SAMD4A: variants seen among roughly 807,000 people sequenced by gnomAD.
SAMD4A encodes the protein sterile alpha motif domain containing 4A, also known as protein Smaug homolog 1.
A neutral mutation model predicts 81.3 loss-of-function variants in SAMD4A; 33 were observed. The ratio of observed to expected loss-of-function variants is 0.41; its 90% confidence interval spans 0.31 to 0.54. The LOEUF (loss-of-function observed/expected upper bound fraction) is 0.54, where lower values mean the gene tolerates loss of function less well. Ranked by LOEUF, SAMD4A falls within the 20% of genes least tolerant of loss-of-function variation. The pLI is 0.37. For missense variants in SAMD4A, 854 were observed against 951.1 expected (o/e 0.90, Z 1.34); for synonymous variants, 389 against 382.1 (o/e 1.02, Z -0.21).
At chr14:54,712,263 ACTTT>A (rs71448408) in intron 3 of SAMD4A, among the ~76,000 whole-genome samples, 15,249 of 150,928 alleles carry the variant, frequency 0.1, 911 homozygotes, top group South Asian at 0.19. Flanking sequence ...TTACCAGCAG[ACTTT>A]CTTTCTCGGT....
rs1157940887 is a variant in SAMD4A at position 54,737,113 on chromosome 14, G to A, written c.805G>A (p.Gly269Arg). 2 of 1,613,988 alleles carry A rather than the reference G, an allele frequency of 1.2e-6. No homozygotes were observed. Among genetic ancestry groups the A allele is most frequent in the Non-Finnish European group, 1.7e-6 (2 of 1,180,026 alleles). Reference protein sequence around the residue: ...MNVPNQPLGHGWMSHEDLRAR... With the variant: ...MNVPNQPLGHRWMSHEDLRAR... ...TGTGCCAAACCAGCCTCTAGGACAT[G>A]GATGGATGTCTCATGAGGACTTACG... The change falls in exon 4 of 13, where the codon GGA (glycine) becomes AGA (arginine). Residue 269 changes from glycine (G) to arginine (R), a missense_variant. This residue lies in a region of SAMD4A where 387 missense variants were observed against 405.8 expected (regional missense o/e 0.95). Coordinates refer to ENST00000554335, the MANE Select transcript of SAMD4A (RefSeq NM_015589.6).
chr14:54,754,447 A>G (rs578167390), intron 6 of SAMD4A, among the ~76,000 whole-genome samples: 2 of 152,158 alleles, frequency 1.3e-5, no homozygotes, highest in African/African-American at 4.8e-5. Flanking sequence ...GAATACCCCA[A>G]TGTTTGGACA....
chr14:54,629,994 C>T (rs553914053), intron 2 of SAMD4A, among the ~76,000 whole-genome samples: 31 of 152,284 alleles, frequency 2.0e-4, no homozygotes, highest in African/African-American at 7.5e-4. Context: ...CATGTTGTAG[C>T]ATGTGTCAGA....
chr14:54,738,508 C>T (rs968276847), intron 4 of SAMD4A, among the ~76,000 whole-genome samples: 14 of 152,312 alleles, frequency 9.2e-5, no homozygotes, highest in African/African-American at 3.4e-4. Flanking sequence ...GGGGATGTGT[C>T]TTAATGCTGA....
upstream of SAMD4A, among the ~76,000 whole-genome samples, chr14:54,566,055 T>G (rs1028434609): frequency 1.3e-5 from 2 of 151,544 alleles, no homozygotes; most frequent in Admixed American, 6.6e-5. Context: ...AAGCCCATGA[T>G]GTAATGGTGT....
At chr14:54,774,587 G>A (rs569871977) in intron 9 of SAMD4A, among the ~76,000 whole-genome samples, 6 of 151,544 alleles carry the variant, frequency 4.0e-5, no homozygotes, top group Non-Finnish European at 7.4e-5. Context: ...GGCTGAGTTG[G>A]GAAGATCGCT....
chr14:54,673,991 A>C (rs1278498747), intron 2 of SAMD4A, among the ~76,000 whole-genome samples: 1 of 152,182 alleles, frequency 6.6e-6, no homozygotes, highest in African/African-American at 2.4e-5. Flanking sequence ...ATCAGACGCC[A>C]CGCTTAGGGC....
rs79035772 is a variant in SAMD4A, at chr14:54,679,688, A to G, written c.197-22374A>G. Among the ~76,000 whole-genome samples, 552 of 152,140 alleles carry G rather than the reference A, an allele frequency of 3.6e-3. 1 individual carries two copies. The highest frequency in any genetic ancestry group is 4.8e-3 in the Non-Finnish European group (324 of 67,998). The stretch of plus-strand genomic sequence containing the variant: ...CGGGTGATGGAAGACCATTTTGTGT[A>G]TTTTTAATAGGAGGAAACTGAGGCA... On this transcript the variant is annotated intron_variant, in intron 2 of 12. Transcript: ENST00000554335.
intron 4 of SAMD4A, 91 bp from the exon 5 acceptor site, chr14:54,748,713 TGACCATCACCC>T: frequency 3.9e-6 from 3 of 765,564 alleles, no homozygotes; most frequent in Non-Finnish European, 6.5e-6. Context: ...TTTTTTCCTT[TGACCATCACCC>T]TCTTTTCCTT....
intron 6 of SAMD4A, among the ~76,000 whole-genome samples, chr14:54,754,112 G>A (rs942981494): frequency 2.0e-5 from 3 of 152,156 alleles, no homozygotes; most frequent in East Asian, 1.9e-4. Flanking sequence ...ACAAATTACC[G>A]TTAGCTTTAT....
chr14:54,588,398 A>T (rs2033682892), intron 2 of SAMD4A, among the ~76,000 whole-genome samples: 1 of 149,866 alleles, frequency 6.7e-6, no homozygotes. Flanking sequence ...TTCTGCTCTG[A>T]TATTTGTTAT....
chr14:54,754,773 C>T (rs990392512), intron 6 of SAMD4A: 2 of 965,852 alleles, frequency 2.1e-6, no homozygotes, highest in Non-Finnish European at 2.5e-6. Context: ...GGGCCCCGCC[C>T]ATAGTTAGTT....
At chr14:54,666,025 C>G (rs923192337) in intron 2 of SAMD4A, among the ~76,000 whole-genome samples, 4 of 152,070 alleles carry the variant, frequency 2.6e-5, no homozygotes, top group Admixed American at 6.5e-5. Context: ...CAGGTAAAAC[C>G]TAGTAAAAGA....
rs567834916 is a variant in SAMD4A, at chr14:54,688,925, G to A, written c.197-13137G>A. On this transcript the variant is annotated intron_variant, in intron 2 of 12. Transcript: ENST00000554335. ...ATCTATAGAGAGGGTCCCAGAAGTC[G>A]TAATTCTTTTTTTTTTTTTTTTTGA... is the stretch of plus-strand genomic sequence containing the variant. 1.8e-4 allele frequency among the ~76,000 whole-genome samples: 17 copies of A among 91,954 alleles called. No individual in the cohort carries two copies. In the South Asian group the frequency reaches 3.4e-3, roughly 18 times the overall value. The allele number at this position is 91,954 out of a possible 152,430, so 60.3% of individuals were successfully genotyped here. A position where few individuals can be genotyped will look rare whatever the true frequency, so the allele number is the denominator to read the frequency against.
At chr14:54,778,296 C>T (rs2038912027) in intron 11 of SAMD4A, among the ~76,000 whole-genome samples, 1 of 152,228 alleles carries the variant, frequency 6.6e-6, no homozygotes, top group Non-Finnish European at 1.5e-5. Context: ...CTGGGTTGTC[C>T]CGGAGCGCTT....
chr14:54,612,528 C>T (rs981769931), intron 2 of SAMD4A, among the ~76,000 whole-genome samples: 6 of 152,108 alleles, frequency 3.9e-5, no homozygotes, highest in Non-Finnish European at 7.4e-5. Flanking sequence ...AATCTAGGGT[C>T]ATCTTCATTA....
At position 54,748,920 on chromosome 14, in the gene SAMD4A, C is replaced by T. The variant is rs2038031178; in HGVS notation, c.1085C>T (p.Ala362Val). 4 of 1,550,626 alleles carry T rather than the reference C, an allele frequency of 2.6e-6. No homozygotes were observed. Among genetic ancestry groups the T allele is most frequent in the South Asian group, 1.2e-5 (1 of 84,056 alleles). ...MMALTECQLE[A>V]QNVTKGARHK... ...GCCCTCACCGAGTGCCAGCTGGAGGCGCAGGTATGTGCTTGAGGTGACTGT... is the reference window on the plus strand; with the variant it reads ...GCCCTCACCGAGTGCCAGCTGGAGGTGCAGGTATGTGCTTGAGGTGACTGT... The change falls in exon 5 of 13, where the codon GCG becomes GTG. Residue 362 changes from alanine to valine, a missense_variant. This residue lies in a region of SAMD4A where 39 missense variants were observed against 74.1 expected (regional missense o/e 0.53). Transcript: ENST00000554335.
chr14:54,631,360 T>C (rs1000937678), intron 2 of SAMD4A, among the ~76,000 whole-genome samples: 5 of 152,204 alleles, frequency 3.3e-5, no homozygotes, highest in Admixed American at 6.5e-5. Context: ...CTCAGTAAAG[T>C]TGACACATAA....
At chr14:54,620,156 A>C (rs2034581981) in intron 2 of SAMD4A, among the ~76,000 whole-genome samples, 1 of 152,032 alleles carries the variant, frequency 6.6e-6, no homozygotes, top group Non-Finnish European at 1.5e-5. Flanking sequence ...CTTACTTTTT[A>C]GATGTTGAAA....
Sources: gnomAD v4.1 joint callset for allele counts (sites outside exome capture counted in the v4.1 genomes callset) on GRCh38, gnomAD v4.1.1 for gene constraint, gnomAD v4.1.1 regional missense constraint, MANE v1.5 for transcripts, NCBI Gene and HGNC (gene_info 2026-07-23, HGNC 2026-07-21) for gene names.